Variants in CD226 observed in about 807,000 individuals in gnomAD.
The protein encoded by CD226 is CD226 molecule.
Under a neutral mutation model 34.9 loss-of-function variants are expected in CD226, and 24 were observed. That is an observed-to-expected ratio of 0.69 (90% CI 0.50 to 0.97). The LOEUF (loss-of-function observed/expected upper bound fraction) is 0.97. Among genes scored for constraint, CD226 ranks in the 50% least tolerant of loss-of-function variants. The pLI, the probability that CD226 is intolerant of heterozygous loss-of-function variation, is 0.00. For missense variants in CD226, 397 were observed against 412.7 expected, an observed-to-expected ratio of 0.96 and a Z score of 0.33; for synonymous variants, 148 against 147.4, an observed-to-expected ratio of 1.00 and a Z score of -0.03.
chr18:69,960,778 C>A (rs1445723005), upstream of CD226, among the ~76,000 whole-genome samples: 1 of 152,138 alleles, frequency 6.6e-6, no homozygotes, highest in African/African-American at 2.4e-5. Context: ...AATATCCTTT[C>A]CTGGGAAAGA....
In CD226 at chr18:69,915,955, T is replaced by C. The variant is rs1599005616; in HGVS notation, c.383-19910A>G. ...CAGAGCCAGTGGTAATGATTACAGA[T>C]ATACCCTAATGTGAGGTTTATTGCA... On this transcript the variant is annotated intron_variant, in intron 2 of 5. Transcript: ENST00000582621. 3.3e-5 allele frequency among the ~76,000 whole-genome samples: 5 copies of C among 152,334 alleles called. No individual in the cohort carries two copies. In the South Asian group the frequency reaches 1.0e-3, roughly 32 times the overall value.
chr18:69,913,929 A>C lies in CD226; in HGVS notation c.383-17884T>G, dbSNP rs530471692. The stretch of plus-strand genomic sequence containing the variant: ...TCTTACTAAAGTGTGAAGGGGAAAA[A>C]ATGGCATCCCACGACTTCTCTATCA... On this transcript the variant is annotated intron_variant, in intron 2 of 5. Coordinates refer to ENST00000582621, the MANE Select transcript of CD226 (RefSeq NM_001303618.2). 3.9e-5 allele frequency among the ~76,000 whole-genome samples: 6 copies of C among 152,310 alleles called. No individual in the cohort carries two copies. The East Asian group carries it at 1.2e-3, about 29-fold the overall frequency.
chr18:69,895,040 T>C (rs1384340122), intron 3 of CD226, among the ~76,000 whole-genome samples: 1 of 152,148 alleles, frequency 6.6e-6, no homozygotes, highest in Non-Finnish European at 1.5e-5. Context: ...TTATACTCAG[T>C]AATGGTCACC....
At chr18:69,903,319 C>T (rs912533911) in intron 2 of CD226, among the ~76,000 whole-genome samples, 1 of 152,186 alleles carries the variant, frequency 6.6e-6, no homozygotes, top group Non-Finnish European at 1.5e-5. Flanking sequence ...CCCTAGAACG[C>T]ATCAGCATTC....
intron 2 of CD226, among the ~76,000 whole-genome samples, chr18:69,923,181 A>C (rs551085183): frequency 6.6e-6 from 1 of 151,082 alleles, no homozygotes; most frequent in South Asian, 2.1e-4. Context: ...AAAGAGAGAA[A>C]GAAAGAAAGG....
chr18:69,873,359 A>C, intron 3 of CD226, 113 bp from the exon 4 acceptor site: 1 of 596,616 alleles, frequency 1.7e-6, no homozygotes. Context: ...AAAACAAAGA[A>C]TCCAACAAAA....
chr18:69,926,679 T>C (rs58231507), intron 2 of CD226, among the ~76,000 whole-genome samples: 7,527 of 152,274 alleles, frequency 0.049, 653 homozygotes, highest in African/African-American at 0.17. Context: ...AATGGAACCA[T>C]CATGTGCTGG....
intron 5 of CD226, among the ~76,000 whole-genome samples, chr18:69,866,217 G>A (rs1368383880): frequency 1.3e-5 from 2 of 152,084 alleles, no homozygotes; most frequent in Non-Finnish European, 2.9e-5. Flanking sequence ...TAATATCATC[G>A]CATTAGGCAT....
intron 5 of CD226, among the ~76,000 whole-genome samples, chr18:69,866,087 A>G (rs1173266332): frequency 6.6e-6 from 1 of 152,186 alleles, no homozygotes; most frequent in Non-Finnish European, 1.5e-5. Context: ...TCTTCTCAGT[A>G]TCCTCACATT....
chr18:69,942,415 T>A (rs970579017), intron 2 of CD226, among the ~76,000 whole-genome samples: 4 of 152,230 alleles, frequency 2.6e-5, no homozygotes, highest in African/African-American at 7.2e-5. Context: ...TGTAATCTTT[T>A]AGGTGGTGAA....
chr18:69,916,631 G>C (rs1445782794), intron 2 of CD226, among the ~76,000 whole-genome samples: 1 of 152,096 alleles, frequency 6.6e-6, no homozygotes, highest in Non-Finnish European at 1.5e-5. Context: ...TGAGTCATTG[G>C]ACTAGAAATC....
chr18:69,906,322 A>G (rs1465973362), intron 2 of CD226, among the ~76,000 whole-genome samples: 1 of 152,252 alleles, frequency 6.6e-6, no homozygotes, highest in Admixed American at 6.5e-5. Flanking sequence ...CTAAGTTTTA[A>G]AACACACTGC....
chr18:69,880,356 GA>G (rs59992006), intron 3 of CD226, among the ~76,000 whole-genome samples: 6,802 of 64,312 alleles, frequency 0.11, 289 homozygotes, highest in African/African-American at 0.15. Flanking sequence ...AAGAAAGAAA[GA>G]AAGGAAGGAA....
At chr18:69,936,892 ACT>A (rs1256341050) in intron 2 of CD226, among the ~76,000 whole-genome samples, 3 of 152,016 alleles carry the variant, frequency 2.0e-5, no homozygotes, top group South Asian at 4.1e-4. Context: ...AATAAGAAAG[ACT>A]CTTTCTCTGT....
chr18:69,876,932 C>T (rs1488015068), intron 3 of CD226, among the ~76,000 whole-genome samples: 4 of 143,354 alleles, frequency 2.8e-5, no homozygotes, highest in African/African-American at 5.3e-5. Context: ...GGCAGGATCT[C>T]GGCTCGCTGC....
At chr18:69,891,150 C>T (rs962650868) in intron 3 of CD226, among the ~76,000 whole-genome samples, 1 of 151,918 alleles carries the variant, frequency 6.6e-6, no homozygotes, top group African/African-American at 2.4e-5. Flanking sequence ...CTGATTTATC[C>T]CTGGCATGCA....
At chr18:69,951,906 C>T (rs116662044), upstream of CD226, among the ~76,000 whole-genome samples, 262 of 152,210 alleles carry the variant, frequency 1.7e-3, no homozygotes, top group African/African-American at 5.8e-3. Context: ...CCATTAGATC[C>T]GGCAGTCTCA....
chr18:69,934,076 T>C (rs2055621071), intron 2 of CD226, among the ~76,000 whole-genome samples: 1 of 152,190 alleles, frequency 6.6e-6, no homozygotes, highest in Non-Finnish European at 1.5e-5. Flanking sequence ...TTTGGAGACA[T>C]ATACTAACAT....
chr18:69,866,478 T>C (rs1187327589), intron 5 of CD226, among the ~76,000 whole-genome samples: 1 of 152,122 alleles, frequency 6.6e-6, no homozygotes. Context: ...ATCAAACTCC[T>C]GCAGCCCATA....
Sources: gnomAD v4.1 joint callset for allele counts (sites outside exome capture counted in the v4.1 genomes callset) on GRCh38, gnomAD v4.1.1 for gene constraint, MANE v1.5 for transcripts, NCBI Gene and HGNC (gene_info 2026-07-23, HGNC 2026-07-21) for gene names.